Variants in LRRC37A2 observed in about 807,000 individuals in gnomAD.
LRRC37A2 encodes the protein leucine rich repeat containing 37 member A2.
Under a neutral mutation model 68.8 loss-of-function variants are expected in LRRC37A2, and 9 were observed. That is an observed-to-expected ratio of 0.13 (90% CI 0.08 to 0.23). LRRC37A2 has a LOEUF of 0.23. Among genes scored for constraint, LRRC37A2 ranks in the 10% least tolerant of loss-of-function variants. The pLI, the probability that LRRC37A2 is intolerant of heterozygous loss-of-function variation, is 1.00. For missense variants in LRRC37A2, 168 were observed against 950.4 expected (o/e 0.18, Z 10.82); for synonymous variants, 63 against 367.6 (o/e 0.17, Z 9.48).
chr17:46,525,587 AAATAAT>A (rs1219756396), intron 6 of LRRC37A2, among the ~76,000 whole-genome samples: 1 of 66,706 alleles, frequency 1.5e-5, no homozygotes, highest in Admixed American at 1.5e-4. Context: ...ACTCTGTCTC[AAATAAT>A]AATAATAATA....
the LRRC37A2 span, chr17:46,830,881 G>A: frequency 5.0e-6 from 2 of 397,438 alleles, no homozygotes; most frequent in Non-Finnish European, 8.9e-6. Context: ...GTCCTAATAC[G>A]ACTTCAGCAC....
At chr17:46,711,206 G>T in the LRRC37A2 span, 1 of 1,256,346 alleles carries the variant, frequency 8.0e-7, no homozygotes, top group Non-Finnish European at 1.0e-6. Context: ...CTAGAAAAGT[G>T]AATTCTTTTT....
chr17:46,751,709 AATTT>A, the LRRC37A2 span: 1 of 686,960 alleles, frequency 1.5e-6, no homozygotes, highest in Non-Finnish European at 2.3e-6. Context: ...GGTTTTAATT[AATTT>A]AAGTTTTGAT....
chr17:46,743,244 AAG>A, the LRRC37A2 span, among the ~76,000 whole-genome samples: 1 of 152,044 alleles, frequency 6.6e-6, no homozygotes, highest in Admixed American at 6.6e-5. Context: ...TGTTTTTGGG[AAG>A]AGAGGGATTT....
chr17:46,404,784 A>C, the LRRC37A2 span, among the ~76,000 whole-genome samples: 1 of 88,486 alleles, frequency 1.1e-5, no homozygotes, highest in Non-Finnish European at 2.8e-5. Flanking sequence ...GCAGGAGAAT[A>C]GCGTGAACCC....
the LRRC37A2 span, chr17:46,755,303 G>C: frequency 6.2e-7 from 1 of 1,608,926 alleles, no homozygotes; most frequent in African/African-American, 1.3e-5. Flanking sequence ...CATTTCTTCT[G>C]ATGTATTTAG....
At chr17:46,786,073 C>T in the LRRC37A2 span, among the ~76,000 whole-genome samples, 25 of 147,848 alleles carry the variant, frequency 1.7e-4, no homozygotes, top group Non-Finnish European at 3.3e-4. Context: ...CCCCCCACCC[C>T]TTCATTTCAC....
the LRRC37A2 span, among the ~76,000 whole-genome samples, chr17:46,904,092 TG>T: frequency 2.0e-5 from 3 of 149,742 alleles, no homozygotes; most frequent in African/African-American, 7.4e-5. Context: ...AATGTATGGG[TG>T]GCTAGATGGC....
chr17:46,745,237 C>T, the LRRC37A2 span, among the ~76,000 whole-genome samples: 5 of 152,234 alleles, frequency 3.3e-5, no homozygotes, highest in Admixed American at 1.3e-4. Context: ...TTAATATATT[C>T]GGAGCTGTTT....
chr17:46,783,835 A>G, the LRRC37A2 span, among the ~76,000 whole-genome samples: 1 of 152,200 alleles, frequency 6.6e-6, no homozygotes, highest in African/African-American at 2.4e-5. Flanking sequence ...GAAGCAGAGG[A>G]GGGGAAGCAG....
At chr17:46,875,983 T>C in the LRRC37A2 span, among the ~76,000 whole-genome samples, 1 of 151,962 alleles carries the variant, frequency 6.6e-6, no homozygotes, top group South Asian at 2.1e-4. Flanking sequence ...GAACCGGGGC[T>C]GCTGTGTTCA....
the LRRC37A2 span, among the ~76,000 whole-genome samples, chr17:47,009,104 A>T: frequency 6.6e-6 from 1 of 152,036 alleles, no homozygotes; most frequent in African/African-American, 2.4e-5. Context: ...CTGCACTCCA[A>T]CTGGGGCAAC....
chr17:46,732,453 T>C, the LRRC37A2 span, among the ~76,000 whole-genome samples: 6 of 151,768 alleles, frequency 4.0e-5, no homozygotes, highest in East Asian at 7.8e-4. Flanking sequence ...ATTTTCAGTG[T>C]AGAACTAAAA....
At chr17:46,588,692 C>CAA in the LRRC37A2 span, among the ~76,000 whole-genome samples, 2 of 30,338 alleles carry the variant, frequency 6.6e-5, no homozygotes, top group African/African-American at 1.1e-4. Context: ...GTCAAGGTGT[C>CAA]AAAAAAAAAA....
At chr17:46,803,841 C>T in the LRRC37A2 span, among the ~76,000 whole-genome samples, 5 of 152,220 alleles carry the variant, frequency 3.3e-5, no homozygotes, top group African/African-American at 4.8e-5. Context: ...AGCAGGCTCA[C>T]GGCTGTCTGG....
chr17:46,945,029 C>G, the LRRC37A2 span, among the ~76,000 whole-genome samples: 5 of 152,126 alleles, frequency 3.3e-5, no homozygotes, highest in African/African-American at 1.2e-4. Flanking sequence ...GTGAAACAAC[C>G]GAGGTTGAGA....
the LRRC37A2 span, among the ~76,000 whole-genome samples, chr17:46,754,692 G>A: frequency 2.6e-5 from 4 of 152,262 alleles, no homozygotes; most frequent in African/African-American, 4.8e-5. Context: ...ACAAAGTTGC[G>A]CCATCTTTTC....
the LRRC37A2 span, among the ~76,000 whole-genome samples, chr17:46,861,290 T>G: frequency 6.6e-6 from 1 of 152,188 alleles, no homozygotes; most frequent in Non-Finnish European, 1.5e-5. Context: ...GTAGTTTCCT[T>G]TAGTAGAGAC....
chr17:46,776,694 G>A, the LRRC37A2 span, among the ~76,000 whole-genome samples: 11 of 152,122 alleles, frequency 7.2e-5, no homozygotes, highest in African/African-American at 2.4e-4. Flanking sequence ...GGAGAGTTCA[G>A]TGCAGACAAC....
Sources: allele counts gnomAD v4.1 joint callset (sites outside exome capture counted in the v4.1 genomes callset), GRCh38; gene constraint gnomAD v4.1.1; transcripts MANE v1.5; gene names NCBI Gene and HGNC (gene_info 2026-07-23, HGNC 2026-07-21).